Variants in AKR1C4 observed in about 807,000 individuals in gnomAD.
AKR1C4 encodes 3-alpha-HSD1.
AKR1C4 carries 44 observed loss-of-function variants against 41.0 expected under a neutral mutation model. The observed-to-expected ratio is 1.07, with a 90% CI of 0.84 to 1.38. AKR1C4 has a LOEUF of 1.38. AKR1C4 is among the 40% of genes most tolerant of loss of function. The pLI is 0.00. For synonymous variants in AKR1C4, 165 were observed against 137.7 expected (o/e 1.20, Z -1.39); for missense variants, 438 against 387.9 (o/e 1.13, Z -1.09).
intron 2 of AKR1C4, among the ~76,000 whole-genome samples, chr10:5,201,585 G>C (rs1424340350): frequency 1.3e-5 from 2 of 152,132 alleles, no homozygotes; most frequent in Non-Finnish European, 2.9e-5. Context: ...TTCTTTTGCT[G>C]TGCAGAATCT....
intron 2 of AKR1C4, among the ~76,000 whole-genome samples, 162 bp from the exon 3 acceptor site, chr10:5,204,215 G>A (rs1383224963): frequency 8.3e-6 from 1 of 120,158 alleles, no homozygotes; most frequent in Non-Finnish European, 2.0e-5. Flanking sequence ...TATGCAATAT[G>A]TAGCTTTCAT....
At chr10:5,216,937 G>A (rs1250127387) in intron 8 of AKR1C4, 144 bp downstream of exon 8, 19 of 604,046 alleles carry the variant, frequency 3.1e-5, no homozygotes, top group Non-Finnish European at 4.7e-5. Flanking sequence ...CTCTCCTTCT[G>A]GATTCACTCC....
intron 8 of AKR1C4, among the ~76,000 whole-genome samples, chr10:5,218,160 G>A (rs1192587582): frequency 2.0e-5 from 3 of 152,116 alleles, no homozygotes; most frequent in African/African-American, 7.2e-5. Flanking sequence ...CCTAAAGATT[G>A]CCCTTAGCAT....
chr10:5,218,725 G>T lies in AKR1C4; in HGVS notation c.937G>T (p.Asp313Tyr), dbSNP rs979273844. The change falls in exon 9 of 9, where the codon GAC (aspartate) becomes TAC (tyrosine). Residue 313 changes from aspartate to tyrosine, a missense_variant. Transcript: ENST00000263126. ...YRYVVMDFLM[D>Y]HPDYPFSDEY ...TATCCTTTCTCTTTTCAGTCTTATG[G>T]ACCATCCTGATTATCCATTTTCAGA... The T allele has an allele frequency of 6.2e-7, 1 of 1,600,750 alleles. No homozygotes were observed. Among genetic ancestry groups the T allele is most frequent in the Non-Finnish European group, 8.6e-7 (1 of 1,168,036 alleles).
At chr10:5,198,835 T>C (rs1832352607) in intron 1 of AKR1C4, among the ~76,000 whole-genome samples, 1 of 150,604 alleles carries the variant, frequency 6.6e-6, no homozygotes, top group African/African-American at 2.4e-5. Flanking sequence ...ATCCCATCTC[T>C]ACCAAAAATA....
intron 1 of AKR1C4, 68 bp from the exon 2 acceptor site, chr10:5,200,113 A>T: frequency 6.4e-7 from 1 of 1,556,596 alleles, no homozygotes; most frequent in South Asian, 1.3e-5. Flanking sequence ...AGGACAAGGG[A>T]ACTTTTCCTG....
intron 2 of AKR1C4, among the ~76,000 whole-genome samples, chr10:5,200,653 G>A (rs147780075): frequency 2.6e-5 from 4 of 152,246 alleles, no homozygotes; most frequent in African/African-American, 9.6e-5. Flanking sequence ...GTGGATTTTG[G>A]TTACATGAAT....
At chr10:5,217,178 C>T (rs569729902) in intron 8 of AKR1C4, among the ~76,000 whole-genome samples, 2 of 152,314 alleles carry the variant, frequency 1.3e-5, no homozygotes, top group African/African-American at 4.8e-5. Context: ...CTTCCAAATC[C>T]ACTCAGTTTC....
rs1433659102 is a variant in AKR1C4, at chr10:5,213,283, TTG to T, written c.846+129_846+130del. ...TGGGCATTTCCTATGCACAAATGCT[TTG>T]TGTGCATAAGTGTTTTCTACTCTAC... is the stretch of plus-strand genomic sequence containing the variant. On this transcript the variant is annotated intron_variant, in intron 7 of 8. Transcript: ENST00000263126. 3 of 1,436,818 alleles carry T rather than the reference TTG, an allele frequency of 2.1e-6. No homozygotes were observed. In the East Asian group the frequency reaches 7.3e-5, roughly 35 times the overall value. The allele number at this position is 1,436,818 out of a possible 1,614,324, so 89.0% of individuals were successfully genotyped here.
intron 5 of AKR1C4, among the ~76,000 whole-genome samples, chr10:5,212,022 C>G (rs1588342180): frequency 6.6e-6 from 1 of 152,262 alleles, no homozygotes; most frequent in East Asian, 1.9e-4. Flanking sequence ...CTGGGCCCCT[C>G]CTACAGCATG....
rs1554798126 is a variant in AKR1C4 at position 5,213,117 on chromosome 10, G to C, written c.804G>C (p.Leu268=). Residue 268 remains leucine, a synonymous_variant, in exon 7 of 9, where the codon CTG becomes CTC. Transcript: ENST00000263126. ...RYQLQRGVVV[L]AKSYNEQRIR... is the part of the protein sequence containing the mutation. Reference sequence around the variant, plus strand: ...AGCTGCAGCGTGGGGTTGTGGTCCTGGCCAAGAGCTACAATGAGCAGCGGA... The same window carrying C: ...AGCTGCAGCGTGGGGTTGTGGTCCTCGCCAAGAGCTACAATGAGCAGCGGA... 7.4e-6 allele frequency: 12 copies of C among 1,614,108 alleles called. No homozygotes were observed. In the East Asian group the frequency reaches 2.5e-4, roughly 33 times the overall value.
intron 1 of AKR1C4, 81 bp from the exon 2 acceptor site, chr10:5,200,100 G>C: frequency 2.6e-6 from 4 of 1,541,436 alleles, no homozygotes; most frequent in Non-Finnish European, 3.5e-6. Flanking sequence ...TGCACACCCT[G>C]TGAGGACAAG....
rs201190050 is a variant in AKR1C4 at position 5,206,260 on chromosome 10, C to G, written c.448-15C>G. 6 of 1,613,962 alleles carry G rather than the reference C, an allele frequency of 3.7e-6. No homozygotes were observed. Among genetic ancestry groups the G allele is most frequent in the Middle Eastern group, 1.7e-4 (1 of 6,052 alleles). On this transcript the variant is annotated splice_polypyrimidine_tract_variant and intron_variant, in intron 4 of 8. Transcript: ENST00000263126. ...CAACTGCACAAATAATTCCTCACAA[C>G]CCCTTTCTCCCCAGGTCATGGAGAA...
At chr10:5,203,216 C>T (rs1256779629) in intron 2 of AKR1C4, among the ~76,000 whole-genome samples, 1 of 152,036 alleles carries the variant, frequency 6.6e-6, no homozygotes, top group Non-Finnish European at 1.5e-5. Flanking sequence ...CCTGCTTTCC[C>T]CCGGGGTTCT....
intron 2 of AKR1C4, among the ~76,000 whole-genome samples, chr10:5,202,055 CT>C (rs1382204520): frequency 1.3e-5 from 2 of 151,986 alleles, no homozygotes; most frequent in African/African-American, 4.8e-5. Flanking sequence ...CAGATTTCTT[CT>C]TTTTGCTTAG....
chr10:5,213,185 C>T (rs1302138246), intron 7 of AKR1C4, 26 bp downstream of exon 7: 7 of 1,611,254 alleles, frequency 4.3e-6, no homozygotes, highest in Non-Finnish European at 5.1e-6. Flanking sequence ...GGCATCAGGG[C>T]TCCTGCACAG....
chr10:5,212,918 C>G (rs1449980215), intron 6 of AKR1C4, 76 bp from the exon 7 acceptor site: 1 of 1,553,806 alleles, frequency 6.4e-7, no homozygotes, highest in Non-Finnish European at 8.7e-7. Context: ...AGAATGAACA[C>G]CTTAGTCTGT....
rs781870024 is a variant in AKR1C4, at chr10:5,216,780, G to A, written c.916G>A (p.Val306Ile). 3.1e-6 allele frequency: 5 copies of A among 1,609,080 alleles called. No homozygotes were observed. In the East Asian group the frequency reaches 8.9e-5, roughly 29 times the overall value. The change falls in exon 8 of 9, where the codon GTT becomes ATT. Residue 306 changes from valine to isoleucine, a missense_variant. Val to Ile is a conservative substitution (Grantham distance 29). Transcript: ENST00000263126. ...TGGTCTAAACAGAAATTATCGATAT[G>A]TTGTCATGGATTTGTAAGTAACTTT... The part of the protein sequence containing the change: ...LDGLNRNYRY[V>I]VMDFLMDHPD...
Position 5,218,777 on chromosome 10 carries a change from C to T in AKR1C4, c.*17C>T, listed in dbSNP as rs782392587. On this transcript the variant is annotated 3_prime_UTR_variant, in exon 9 of 9. Transcript: ENST00000263126. ...GAATATTAGCATAGAGGGTGTTGCA[C>T]GACATCTAGCAGAAGGCCCTGTGTG... 100 of 1,598,872 alleles carry T rather than the reference C, an allele frequency of 6.3e-5. No homozygotes were observed. The highest frequency in any genetic ancestry group is 7.9e-5 in the Non-Finnish European group (92 of 1,166,478).
Sources: gnomAD v4.1 joint callset for allele counts (sites outside exome capture counted in the v4.1 genomes callset) on GRCh38, gnomAD v4.1.1 for gene constraint, MANE v1.5 for transcripts, NCBI Gene and HGNC (gene_info 2026-07-23, HGNC 2026-07-21) for gene names.